Variants in CNBD1 observed in about 807,000 individuals in gnomAD.
CNBD1 encodes the protein cyclic nucleotide-binding domain-containing protein 1.
A neutral mutation model predicts 54.4 loss-of-function variants in CNBD1; 71 were observed. The observed-to-expected ratio is 1.30, with a 90% CI of 1.08 to 1.59. The LOEUF (loss-of-function observed/expected upper bound fraction) is 1.59, where lower values mean the gene tolerates loss of function less well. CNBD1 is among the 40% of genes most tolerant of loss of function. The pLI, the probability that CNBD1 is intolerant of heterozygous loss-of-function variation, is 0.00. For synonymous variants in CNBD1, 182 were observed against 170.7 expected (o/e 1.07, Z -0.51); for missense variants, 659 against 518.0 (o/e 1.27, Z -2.64).
intron 3 of CNBD1, among the ~76,000 whole-genome samples, chr8:86,918,990 A>G (rs1208287913): frequency 6.6e-6 from 1 of 151,574 alleles, no homozygotes; most frequent in Admixed American, 6.6e-5. Flanking sequence ...AACATGTGGT[A>G]TTTGATTTTC....
At chr8:87,014,399 T>C (rs971390444) in intron 4 of CNBD1, among the ~76,000 whole-genome samples, 1 of 152,078 alleles carries the variant, frequency 6.6e-6, no homozygotes, top group African/African-American at 2.4e-5. Context: ...TTTGCTTGTA[T>C]ATGCTTATAA....
intron 5 of CNBD1, among the ~76,000 whole-genome samples, chr8:87,224,938 C>A (rs1814443431): frequency 6.6e-6 from 1 of 152,142 alleles, no homozygotes; most frequent in African/African-American, 2.4e-5. Context: ...GTTTGTAATT[C>A]TCCTTGAAGA....
At chr8:87,023,521 A>G (rs1345170837) in intron 4 of CNBD1, among the ~76,000 whole-genome samples, 1 of 152,172 alleles carries the variant, frequency 6.6e-6, no homozygotes, top group Non-Finnish European at 1.5e-5. Context: ...ATAGTATTTT[A>G]CATTTTGACT....
At chr8:87,371,787 A>G (rs1186774476) in intron 10 of CNBD1, among the ~76,000 whole-genome samples, 4 of 151,828 alleles carry the variant, frequency 2.6e-5, no homozygotes, top group Admixed American at 1.3e-4. Flanking sequence ...AAATTCAACA[A>G]CCCTTCATGC....
At chr8:87,030,918 C>T (rs1239207105) in intron 4 of CNBD1, among the ~76,000 whole-genome samples, 1 of 103,262 alleles carries the variant, frequency 9.7e-6, no homozygotes, top group African/African-American at 4.0e-5. Flanking sequence ...CCTCCTCCCC[C>T]CCTCCTCCTG....
chr8:86,979,691 T>G (rs982382113), intron 4 of CNBD1, among the ~76,000 whole-genome samples: 2 of 152,190 alleles, frequency 1.3e-5, no homozygotes, highest in Non-Finnish European at 2.9e-5. Flanking sequence ...CTGTTCAGTA[T>G]AAAAAACAGA....
intron 4 of CNBD1, among the ~76,000 whole-genome samples, chr8:87,046,064 A>AG (rs1810183694): frequency 6.6e-6 from 1 of 150,840 alleles, no homozygotes; most frequent in African/African-American, 2.5e-5. Context: ...AAAAAAAAAA[A>AG]AAGAGTGCAC....
chr8:87,010,579 C>T (rs1809196968), intron 4 of CNBD1, among the ~76,000 whole-genome samples: 1 of 152,070 alleles, frequency 6.6e-6, no homozygotes, highest in African/African-American at 2.4e-5. Context: ...GAAACCCTAT[C>T]TCTACTAAAA....
intron 3 of CNBD1, among the ~76,000 whole-genome samples, 181 bp from the exon 4 acceptor site, chr8:86,939,415 A>C (rs1165047844): frequency 2.6e-5 from 4 of 152,206 alleles, no homozygotes; most frequent in African/African-American, 9.6e-5. Context: ...ATGTAACAGA[A>C]TGACATATAT....
chr8:87,317,176 T>C (rs1370920568), intron 8 of CNBD1, among the ~76,000 whole-genome samples: 2 of 151,952 alleles, frequency 1.3e-5, no homozygotes, highest in East Asian at 1.9e-4. Context: ...ATTTTCTCCA[T>C]TGATTTTTCT....
chr8:86,979,679 A>T (rs1223683326), intron 4 of CNBD1, among the ~76,000 whole-genome samples: 1 of 152,188 alleles, frequency 6.6e-6, no homozygotes, highest in Non-Finnish European at 1.5e-5. Context: ...CAGACAAATT[A>T]GCTGTTCAGT....
rs575366439 is a variant in CNBD1, at chr8:87,046,993, C to T, written c.431+107239C>T. Among the ~76,000 whole-genome samples, 4 of 152,202 alleles carry T rather than the reference C, an allele frequency of 2.6e-5. No individual in the cohort carries two copies. In the East Asian group the frequency reaches 5.8e-4, roughly 22 times the overall value. On this transcript the variant is annotated intron_variant, in intron 4 of 10. Coordinates refer to ENST00000518476, the MANE Select transcript of CNBD1 (RefSeq NM_173538.3). Reference sequence around the variant, plus strand: ...GTAAGAGGAGTTACGCAGGGGCTGCCGCTCAAATTTAGAATCACAGTTAGG... The same window carrying T: ...GTAAGAGGAGTTACGCAGGGGCTGCTGCTCAAATTTAGAATCACAGTTAGG...
chr8:87,126,029 A>G (rs1368575409), intron 4 of CNBD1, among the ~76,000 whole-genome samples: 3 of 151,920 alleles, frequency 2.0e-5, no homozygotes, highest in Non-Finnish European at 4.4e-5. Context: ...ATTTCTGAGT[A>G]ATATTCTATT....
At chr8:87,379,955 A>C (rs1433489725) in intron 10 of CNBD1, among the ~76,000 whole-genome samples, 1 of 151,940 alleles carries the variant, frequency 6.6e-6, no homozygotes, top group African/African-American at 2.4e-5. Flanking sequence ...AGTTAGAAAC[A>C]TTTACCAAGT....
In CNBD1 at chr8:87,344,141, G is replaced by C. The variant is rs546344534; in HGVS notation, c.1043-7544G>C. 2.6e-5 allele frequency among the ~76,000 whole-genome samples: 4 copies of C among 151,916 alleles called. No individual in the cohort carries two copies. In the South Asian group the frequency reaches 8.3e-4, roughly 32 times the overall value. ...TGTTAGAAAATTATCTGTACAAACA[G>C]GAAAAATAATCAAGTTATTTAACCC... On this transcript the variant is annotated intron_variant, in intron 8 of 10. Transcript: ENST00000518476.
intron 8 of CNBD1, among the ~76,000 whole-genome samples, chr8:87,338,155 T>G (rs891199245): frequency 6.6e-6 from 1 of 152,206 alleles, no homozygotes; most frequent in African/African-American, 2.4e-5. Flanking sequence ...TCACAGAAAG[T>G]GTGAGTACCT....
chr8:87,104,224 A>G (rs988087217), intron 4 of CNBD1, among the ~76,000 whole-genome samples: 1 of 151,994 alleles, frequency 6.6e-6, no homozygotes, highest in Non-Finnish European at 1.5e-5. Context: ...AGCAAGTTTA[A>G]AAGGCAAGTT....
At chr8:87,119,812 T>C (rs1811853830) in intron 4 of CNBD1, among the ~76,000 whole-genome samples, 1 of 152,140 alleles carries the variant, frequency 6.6e-6, no homozygotes, top group East Asian at 1.9e-4. Flanking sequence ...ATTTTTCAAA[T>C]GCTTTTTCTT....
chr8:87,152,067 A>T (rs189281303), intron 4 of CNBD1, among the ~76,000 whole-genome samples: 83 of 152,278 alleles, frequency 5.5e-4, no homozygotes, highest in Non-Finnish European at 2.1e-4. Context: ...TAGTATGCAC[A>T]TTAAAGTTTT....
Sources: allele counts gnomAD v4.1 joint callset (sites outside exome capture counted in the v4.1 genomes callset), GRCh38; gene constraint gnomAD v4.1.1; transcripts MANE v1.5; gene names NCBI Gene and HGNC (gene_info 2026-07-23, HGNC 2026-07-21).